Variants in ASTN2 observed in about 807,000 individuals in gnomAD.
ASTN2 encodes the protein astrotactin-2.
Under a neutral mutation model 139.8 loss-of-function variants are expected in ASTN2, and 54 were observed. The ratio of observed to expected loss-of-function variants is 0.39; its 90% CI spans 0.31 to 0.48. ASTN2 has a LOEUF of 0.48. Ranked by LOEUF, ASTN2 falls within the 20% of genes least tolerant of loss-of-function variation. The probability of loss-of-function intolerance (pLI) is 0.95; values close to 1 mark genes in which losing one functional copy is unlikely to be tolerated. For synonymous variants in ASTN2, 756 were observed against 719.5 expected (o/e 1.05, Z -0.81); for missense variants, 1,565 against 1,725.1 (o/e 0.91, Z 1.64).
intron 1 of ASTN2, among the ~76,000 whole-genome samples, chr9:117,382,277 G>T (rs548845000): frequency 2.6e-5 from 4 of 152,284 alleles, no homozygotes; most frequent in East Asian, 3.9e-4. Context: ...ATGACTAGGT[G>T]TGGAGGACTA....
intron 10 of ASTN2, among the ~76,000 whole-genome samples, chr9:116,970,613 T>C (rs1205484511): frequency 6.6e-6 from 1 of 152,210 alleles, no homozygotes; most frequent in Non-Finnish European, 1.5e-5. Flanking sequence ...TAGTTTAAAA[T>C]ATGGTAGGTG....
At chr9:116,764,322 G>A (rs375446588) in intron 13 of ASTN2, among the ~76,000 whole-genome samples, 6 of 152,184 alleles carry the variant, frequency 3.9e-5, no homozygotes, top group South Asian at 4.1e-4. Context: ...GGAGTATCAA[G>A]ATCTAAATGT....
At position 116,549,717 on chromosome 9, in the gene ASTN2, G is replaced by A. The variant is rs144162741; in HGVS notation, c.3356-62217C>T. Among the ~76,000 whole-genome samples, 7 of 152,196 alleles carry A rather than the reference G, an allele frequency of 4.6e-5. No individual in the cohort carries two copies. The East Asian group carries it at 7.8e-4, about 17-fold the overall frequency. ...TGAACAGCAAGATGACTCCCAAAGC[G>A]GCCAGCCCTTTCCTGCCTCCAGGCC... On this transcript the variant is annotated intron_variant, in intron 19 of 22. Coordinates refer to ENST00000313400, the MANE Select transcript of ASTN2 (RefSeq NM_001365068.1).
At position 117,031,461 on chromosome 9, in the gene ASTN2, C is replaced by T. The variant is rs116508878; in HGVS notation, c.1423+8358G>A. On this transcript the variant is annotated intron_variant, in intron 6 of 22. Transcript: ENST00000313400. ...AAAAAATTCAGTGAAAGCCTTTTAG[C>T]GGGCATCAAGTATGTTTTGGATCCT... Among the ~76,000 whole-genome samples, 363 of 152,154 alleles carry T rather than the reference C, an allele frequency of 2.4e-3. 1 individual carries two copies. Among genetic ancestry groups the T allele is most frequent in the African/African-American group, 7.8e-3 (323 of 41,518 alleles).
chr9:117,178,631 G>T (rs191279685), intron 3 of ASTN2, among the ~76,000 whole-genome samples: 93 of 152,300 alleles, frequency 6.1e-4, no homozygotes, highest in African/African-American at 2.2e-3. Flanking sequence ...AAAGTTCTAG[G>T]ATCTCTGCTG....
At chr9:117,283,237 T>C (rs1376333908) in intron 2 of ASTN2, among the ~76,000 whole-genome samples, 3 of 152,160 alleles carry the variant, frequency 2.0e-5, no homozygotes, top group Admixed American at 6.5e-5. Flanking sequence ...ATTTCCTATA[T>C]TTCCTACACA....
chr9:116,571,964 C>T (rs1344792736), intron 19 of ASTN2, among the ~76,000 whole-genome samples: 1 of 152,074 alleles, frequency 6.6e-6, no homozygotes, highest in Admixed American at 6.6e-5. Flanking sequence ...GAGGTGACTG[C>T]ATTGTGTATA....
intron 3 of ASTN2, among the ~76,000 whole-genome samples, chr9:117,188,959 G>A (rs1051208729): frequency 2.0e-5 from 3 of 152,116 alleles, no homozygotes; most frequent in East Asian, 1.9e-4. Flanking sequence ...TCCCCAGAGC[G>A]TGGAGTCTGA....
intron 16 of ASTN2, among the ~76,000 whole-genome samples, chr9:116,709,290 T>C (rs902172434): frequency 6.6e-6 from 1 of 152,190 alleles, no homozygotes; most frequent in Admixed American, 6.5e-5. Context: ...GTCATCCCCC[T>C]TCCCAGACCC....
intron 6 of ASTN2, among the ~76,000 whole-genome samples, chr9:117,012,497 G>T (rs1837564920): frequency 6.6e-6 from 1 of 152,182 alleles, no homozygotes; most frequent in Non-Finnish European, 1.5e-5. Flanking sequence ...TAAGAAATGG[G>T]CTTAATCCAT....
intron 16 of ASTN2, among the ~76,000 whole-genome samples, chr9:116,664,817 T>C (rs1349610704): frequency 2.6e-5 from 4 of 152,204 alleles, no homozygotes; most frequent in East Asian, 1.9e-4. Context: ...TCTGCGAATC[T>C]AGACTTAATG....
At chr9:116,962,654 A>G (rs1457287666) in intron 10 of ASTN2, among the ~76,000 whole-genome samples, 1 of 152,246 alleles carries the variant, frequency 6.6e-6, no homozygotes, top group East Asian at 1.9e-4. Flanking sequence ...TTCATTTATA[A>G]TAGGGTTTCT....
Position 116,699,102 on chromosome 9 carries a change from G to T in ASTN2, c.2806+26669C>A. The stretch of plus-strand genomic sequence containing the variant: ...TGACAGCTATGATAACTCCCTCAAG[G>T]TATATACCTTGGATGGCCACTGCGT... On this transcript the variant is annotated intron_variant, in intron 16 of 22. Transcript: ENST00000313400. The surrounding 1 kb of genome is among the most constrained non-coding windows in gnomAD (Gnocchi z 4.2). 2 of 1,614,026 alleles carry T rather than the reference G, an allele frequency of 1.2e-6. No homozygotes were observed. The highest frequency in any genetic ancestry group is 1.7e-6 in the Non-Finnish European group (2 of 1,179,968).
intron 16 of ASTN2, among the ~76,000 whole-genome samples, chr9:116,714,526 A>G (rs1437491814): frequency 1.3e-5 from 2 of 152,228 alleles, no homozygotes; most frequent in South Asian, 4.1e-4. Flanking sequence ...ACAAACATCA[A>G]TTCATTTAAA....
intron 12 of ASTN2, among the ~76,000 whole-genome samples, chr9:116,820,280 T>C (rs1831449909): frequency 6.6e-6 from 1 of 152,146 alleles, no homozygotes; most frequent in Non-Finnish European, 1.5e-5. Flanking sequence ...TGCTTTTGTC[T>C]CCAAACTGCA....
chr9:117,079,886 T>A (rs2132723193), intron 5 of ASTN2, among the ~76,000 whole-genome samples: 1 of 152,398 alleles, frequency 6.6e-6, no homozygotes, highest in East Asian at 1.9e-4. Flanking sequence ...TACCATCTTC[T>A]CCAGGACCTG....
At chr9:117,276,377 T>A (rs2133134105) in intron 2 of ASTN2, among the ~76,000 whole-genome samples, 1 of 152,234 alleles carries the variant, frequency 6.6e-6, no homozygotes, top group Admixed American at 6.5e-5. Context: ...GCCCAGACCT[T>A]CCCTGCAAGT....
rs558651593 is a variant in ASTN2 at position 117,185,820 on chromosome 9, C to A, written c.1015+28538G>T. Among the ~76,000 whole-genome samples the A allele has an allele frequency of 5.3e-5, 8 of 152,078 alleles. No individual in the cohort carries two copies. The South Asian group carries it at 1.7e-3, about 32-fold the overall frequency. On this transcript the variant is annotated intron_variant, in intron 3 of 22. Coordinates refer to ENST00000313400, the MANE Select transcript of ASTN2 (RefSeq NM_001365068.1). ...TTTCCAGGTGGGAGCCAAAGAGGAA[C>A]AGAGAAAAAGAGGCCAAGATTCATG...
intron 19 of ASTN2, among the ~76,000 whole-genome samples, chr9:116,597,299 ATTTTTTTTT>A (rs757848093): frequency 7.9e-5 from 6 of 75,532 alleles, no homozygotes; most frequent in African/African-American, 2.9e-4. Flanking sequence ...CTTTTGATCT[ATTTTTTTTT>A]TTTTTTTTTT....
Sources: gnomAD v4.1 joint callset for allele counts (sites outside exome capture counted in the v4.1 genomes callset) on GRCh38, gnomAD v4.1.1 for gene constraint, Gnocchi (gnomAD v3.1) non-coding constraint, MANE v1.5 for transcripts, NCBI Gene and HGNC (gene_info 2026-07-23, HGNC 2026-07-21) for gene names.